Variants in ANAPC10 observed in about 807,000 individuals in gnomAD.
ANAPC10 encodes the protein anaphase-promoting complex subunit 10.
Under a neutral mutation model 22.0 loss-of-function variants are expected in ANAPC10, and 12 were observed. That is an observed-to-expected ratio of 0.55 (90% confidence interval 0.35 to 0.88). The LOEUF is 0.88. ANAPC10 is among the 40% of genes least tolerant of loss of function. The pLI is 0.01. For missense variants in ANAPC10, 188 were observed against 220.9 expected (o/e 0.85, Z 0.94); for synonymous variants, 65 against 69.5 (o/e 0.94, Z 0.32).
intron 2 of ANAPC10, among the ~76,000 whole-genome samples, chr4:145,083,234 T>C (rs1449421229): frequency 6.6e-6 from 1 of 152,214 alleles, no homozygotes; most frequent in East Asian, 1.9e-4. Flanking sequence ...TGTTAAATAA[T>C]CTAATATTTA....
intron 4 of ANAPC10, among the ~76,000 whole-genome samples, chr4:145,044,020 TA>T (rs887535176): frequency 6.6e-6 from 1 of 152,030 alleles, no homozygotes; most frequent in Non-Finnish European, 1.5e-5. Flanking sequence ...TGTTAGAAAG[TA>T]AATGTTCTTT....
At chr4:145,064,747 A>G in intron 3 of ANAPC10, 55 bp from the exon 4 acceptor site, 3 of 1,359,748 alleles carry the variant, frequency 2.2e-6, no homozygotes, top group Non-Finnish European at 9.9e-7. Flanking sequence ...AAGATTTCCA[A>G]TGCATCTTAT....
chr4:145,014,677 A>G (rs1421436908), intron 4 of ANAPC10, among the ~76,000 whole-genome samples: 1 of 152,158 alleles, frequency 6.6e-6, no homozygotes, highest in Non-Finnish European at 1.5e-5. Flanking sequence ...ACCCTCACAG[A>G]GTCCATTTCA....
At chr4:145,073,018 G>C (rs1744703380) in intron 3 of ANAPC10, among the ~76,000 whole-genome samples, 1 of 151,728 alleles carries the variant, frequency 6.6e-6, no homozygotes, top group Admixed American at 6.6e-5. Context: ...TCAGCTTCCT[G>C]AATAGCTGAG....
chr4:145,012,174 GTGTATATATA>G (rs1045227199), intron 4 of ANAPC10, among the ~76,000 whole-genome samples: 3 of 133,458 alleles, frequency 2.2e-5, no homozygotes, highest in Non-Finnish European at 3.3e-5. Flanking sequence ...ATGTGTGTGT[GTGTATATATA>G]TATATATATA....
intron 2 of ANAPC10, among the ~76,000 whole-genome samples, chr4:145,095,202 C>G (rs1748327365): frequency 6.6e-6 from 1 of 152,164 alleles, no homozygotes; most frequent in South Asian, 2.1e-4. Context: ...TCTTTATCTG[C>G]AGTTTCATCT....
At chr4:145,001,590 TAATGGGTCACA>T (rs1732579992) in intron 4 of ANAPC10, among the ~76,000 whole-genome samples, 1 of 152,174 alleles carries the variant, frequency 6.6e-6, no homozygotes, top group Non-Finnish European at 1.5e-5. Context: ...AGAAGTTATG[TAATGGGTCACA>T]AAATCAGCAC....
At chr4:145,083,644 T>C (rs917404662) in intron 2 of ANAPC10, among the ~76,000 whole-genome samples, 1 of 152,202 alleles carries the variant, frequency 6.6e-6, no homozygotes, top group Non-Finnish European at 1.5e-5. Context: ...ATATATCTAA[T>C]GTTTTTATAT....
chr4:145,057,133 C>A (rs1305831956), intron 4 of ANAPC10, among the ~76,000 whole-genome samples: 1 of 152,126 alleles, frequency 6.6e-6, no homozygotes, highest in Non-Finnish European at 1.5e-5. Flanking sequence ...AACAAGAATC[C>A]TCCTCAGAAT....
chr4:145,082,201 G>A (rs1350481093), intron 2 of ANAPC10, among the ~76,000 whole-genome samples: 1 of 152,222 alleles, frequency 6.6e-6, no homozygotes, highest in Non-Finnish European at 1.5e-5. Flanking sequence ...CCAAGCTGGA[G>A]TGCAATGGCA....
intron 4 of ANAPC10, among the ~76,000 whole-genome samples, chr4:145,019,956 CAA>C (rs1000009618): frequency 6.7e-6 from 1 of 149,902 alleles, no homozygotes; most frequent in African/African-American, 2.4e-5. Context: ...AAATTATCAA[CAA>C]AAAAAAAGGC....
intron 4 of ANAPC10, among the ~76,000 whole-genome samples, chr4:145,047,538 C>T (rs143366799): frequency 6.6e-6 from 1 of 152,104 alleles, no homozygotes; most frequent in Non-Finnish European, 1.5e-5. Flanking sequence ...TCCATATCTG[C>T]CTTAGACAAT....
chr4:145,012,195 T>TATATATAC (rs891496922), intron 4 of ANAPC10, among the ~76,000 whole-genome samples: 1 of 147,142 alleles, frequency 6.8e-6, no homozygotes, highest in African/African-American at 2.5e-5. Context: ...TATATATATA[T>TATATATAC]ACACACACAC....
chr4:145,076,515 A>C (rs1745221019), intron 3 of ANAPC10, among the ~76,000 whole-genome samples: 1 of 152,246 alleles, frequency 6.6e-6, no homozygotes, highest in Admixed American at 6.5e-5. Flanking sequence ...CAGAGCAAGA[A>C]TTCTGGCAAG....
intron 4 of ANAPC10, among the ~76,000 whole-genome samples, chr4:145,006,813 G>A (rs1328333826): frequency 6.6e-6 from 1 of 152,006 alleles, no homozygotes; most frequent in Non-Finnish European, 1.5e-5. Flanking sequence ...TGTTGCCTCT[G>A]TGATTCCACC....
At chr4:145,013,634 T>A (rs1734681717) in intron 4 of ANAPC10, among the ~76,000 whole-genome samples, 2 of 152,068 alleles carry the variant, frequency 1.3e-5, no homozygotes, top group Non-Finnish European at 2.9e-5. Context: ...ATGTGGAGGC[T>A]CATATCGTGA....
intron 3 of ANAPC10, among the ~76,000 whole-genome samples, chr4:145,068,365 A>G (rs756018397): frequency 6.6e-6 from 1 of 152,220 alleles, no homozygotes; most frequent in African/African-American, 2.4e-5. Flanking sequence ...ACTACATTAT[A>G]TAAGAGTAAC....
intron 3 of ANAPC10, among the ~76,000 whole-genome samples, chr4:145,068,027 G>A (rs1743958806): frequency 6.6e-6 from 1 of 152,240 alleles, no homozygotes; most frequent in African/African-American, 2.4e-5. Flanking sequence ...TGGACCATAA[G>A]ACAACCTTGA....
intron 4 of ANAPC10, among the ~76,000 whole-genome samples, chr4:144,998,565 C>T (rs1011792651): frequency 6.6e-6 from 1 of 152,118 alleles, no homozygotes; most frequent in Non-Finnish European, 1.5e-5. Context: ...TTCTTTGAAA[C>T]TAATGAGAAC....
Sources: allele counts gnomAD v4.1 joint callset (sites outside exome capture counted in the v4.1 genomes callset), GRCh38; gene constraint gnomAD v4.1.1; transcripts MANE v1.5; gene names NCBI Gene and HGNC (gene_info 2026-07-23, HGNC 2026-07-21).